The following GIGYF2 variants were observed in gnomAD, a reference collection of about 807,000 sequenced individuals.
The protein encoded by GIGYF2 is GRB10 interacting GYF protein 2.
In GIGYF2, 25 loss-of-function variants were observed where a neutral mutation model predicts 208.1. That is an observed-to-expected ratio of 0.12 (90% CI 0.09 to 0.17). GIGYF2 has a LOEUF of 0.17. GIGYF2 is among the 10% of genes least tolerant of loss of function. The pLI, the probability that GIGYF2 is intolerant of heterozygous loss-of-function variation, is 1.00. For missense variants in GIGYF2, 1,302 were observed against 1,579.4 expected, an observed-to-expected ratio of 0.82 and a Z score of 2.98; for synonymous variants, 534 against 543.8, an observed-to-expected ratio of 0.98 and a Z score of 0.25.
intron 22 of GIGYF2, among the ~76,000 whole-genome samples, chr2:232,834,200 T>G (rs924773041): frequency 1.3e-5 from 2 of 152,118 alleles, no homozygotes; most frequent in Middle Eastern, 3.2e-3. Context: ...GTCCCCTATC[T>G]TCAAGTAGCT....
At chr2:232,846,096 A>G (rs1219702369) in intron 26 of GIGYF2, among the ~76,000 whole-genome samples, 1 of 152,238 alleles carries the variant, frequency 6.6e-6, no homozygotes, top group Non-Finnish European at 1.5e-5. Flanking sequence ...GGTGGTTGTC[A>G]AAAAGTAAAT....
At chr2:232,753,959 A>G (rs1698431150) in intron 5 of GIGYF2, among the ~76,000 whole-genome samples, 1 of 152,012 alleles carries the variant, frequency 6.6e-6, no homozygotes, top group Non-Finnish European at 1.5e-5. Context: ...AAGTCAGGAG[A>G]TTGAGACCAT....
chr2:232,730,430 C>T (rs1697416356), intron 2 of GIGYF2, among the ~76,000 whole-genome samples: 1 of 150,716 alleles, frequency 6.6e-6, no homozygotes, highest in African/African-American at 2.4e-5. Context: ...CATGGTGAAA[C>T]CCCGTCTCTA....
At chr2:232,738,846 T>A (rs1483723734) in intron 3 of GIGYF2, among the ~76,000 whole-genome samples, 1 of 152,246 alleles carries the variant, frequency 6.6e-6, no homozygotes, top group Non-Finnish European at 1.5e-5. Context: ...TTGGATGATA[T>A]ATGGACAGTT....
chr2:232,847,278 A>C (rs1410394748), intron 26 of GIGYF2, 70 bp from the exon 27 acceptor site: 1 of 1,521,128 alleles, frequency 6.6e-7, no homozygotes, highest in Non-Finnish European at 9.1e-7. Flanking sequence ...TTAAAAATGG[A>C]AACTGATTTT....
intron 23 of GIGYF2, among the ~76,000 whole-genome samples, chr2:232,841,461 ATTTTTT>A (rs57307878): frequency 7.2e-6 from 1 of 138,752 alleles, no homozygotes; most frequent in Non-Finnish European, 1.6e-5. Context: ...ACCACCAGCT[ATTTTTT>A]TTTTTTTTTT....
intron 22 of GIGYF2, among the ~76,000 whole-genome samples, chr2:232,836,151 G>A (rs1253567416): frequency 6.7e-6 from 1 of 149,432 alleles, no homozygotes; most frequent in Admixed American, 6.7e-5. Context: ...CCTGGGCTGG[G>A]TGCAGTGGCT....
chr2:232,714,304 A>G (rs1696572691), intron 2 of GIGYF2, among the ~76,000 whole-genome samples: 1 of 152,152 alleles, frequency 6.6e-6, no homozygotes, highest in African/African-American at 2.4e-5. Context: ...ACATAGCCAC[A>G]TGTATGTGGC....
At chr2:232,709,795 C>G (rs1381776904) in intron 2 of GIGYF2, among the ~76,000 whole-genome samples, 1 of 151,736 alleles carries the variant, frequency 6.6e-6, no homozygotes, top group East Asian at 2.0e-4. Context: ...GGCAACAGAG[C>G]AAGACTCTGT....
At chr2:232,827,382 A>G (rs1484008845) in intron 21 of GIGYF2, among the ~76,000 whole-genome samples, 1 of 152,180 alleles carries the variant, frequency 6.6e-6, no homozygotes, top group Non-Finnish European at 1.5e-5. Flanking sequence ...TGTTTGATAG[A>G]GTTCACCGTT....
Position 232,844,212 on chromosome 2 carries a change from A to G in GIGYF2, c.3056A>G (p.Gln1019Arg), listed in dbSNP as rs368827172. 2 of 1,563,814 alleles carry G rather than the reference A, an allele frequency of 1.3e-6. No homozygotes were observed. The highest frequency in any genetic ancestry group is 1.7e-6 in the Non-Finnish European group (2 of 1,152,902). Residue 1019 changes from glutamine to arginine, a missense_variant, in exon 24 of 29, where the codon CAG (glutamine) becomes CGG (arginine). By Grantham distance (43) the Gln-to-Arg change is conservative. Transcript: ENST00000373563. ...EARQMQKQQQ[Q>R]QQQHQQPNRA... Reference sequence around the variant, plus strand: ...AGGCAAATGCAAAAGCAGCAGCAGCAGCAGCAGCAACACCAGCAACCAAAC... The same window carrying G: ...AGGCAAATGCAAAAGCAGCAGCAGCGGCAGCAGCAACACCAGCAACCAAAC...
At chr2:232,827,993 TTTTC>T (rs1470010399) in intron 21 of GIGYF2, among the ~76,000 whole-genome samples, 2 of 151,148 alleles carry the variant, frequency 1.3e-5, no homozygotes, top group African/African-American at 4.9e-5. Context: ...TTTCTTTTCT[TTTTC>T]TTTTTTTTTG....
At chr2:232,775,659 C>A (rs555797312) in intron 8 of GIGYF2, among the ~76,000 whole-genome samples, 1 of 152,248 alleles carries the variant, frequency 6.6e-6, no homozygotes, top group South Asian at 2.1e-4. Context: ...AAATGATAGG[C>A]AGCTTCACTG....
At chr2:232,804,024 G>T (rs1700477202) in intron 14 of GIGYF2, among the ~76,000 whole-genome samples, 1 of 152,118 alleles carries the variant, frequency 6.6e-6, no homozygotes, top group Admixed American at 6.5e-5. Flanking sequence ...CACCAGTACT[G>T]TACAATCTTG....
At chr2:232,734,196 T>G (rs1368343140) in intron 2 of GIGYF2, among the ~76,000 whole-genome samples, 4 of 150,228 alleles carry the variant, frequency 2.7e-5, no homozygotes, top group Non-Finnish European at 5.9e-5. Flanking sequence ...GCCGTCTGCC[T>G]GGCTTGGCCT....
Position 232,747,658 on chromosome 2 carries a change from C to G in GIGYF2, c.85C>G (p.Leu29Val), listed in dbSNP as rs751741586. The change falls in exon 4 of 29, where the codon CTT becomes GTT. Residue 29 changes from leucine (L) to valine (V), a missense_variant. Coordinates refer to ENST00000373563, the MANE Select transcript of GIGYF2 (RefSeq NM_001103146.3). ...SSGGSITSPP[L>V]SPALPKYKLA... ...TGGTGGGAGTATTACATCCCCTCCT[C>G]TTTCTCCAGCATTGCCGAAGTATAA... 6.2e-7 allele frequency: 1 copy of G among 1,613,800 alleles called. No homozygotes were observed. The highest frequency in any genetic ancestry group is 8.5e-7 in the Non-Finnish European group (1 of 1,179,802).
At chr2:232,777,467 C>A (rs557374370) in intron 8 of GIGYF2, among the ~76,000 whole-genome samples, 1 of 152,076 alleles carries the variant, frequency 6.6e-6, no homozygotes, top group Non-Finnish European at 1.5e-5. Context: ...AAAACTTTGA[C>A]CAAATGTCAC....
rs570597892 is a variant in GIGYF2 at position 232,846,966 on chromosome 2, C to T, written c.3461-382C>T. ...AAAAATCTCAGTGGATTGAAAGTTC[C>T]AGGAAGATATAGCTGTTTTCTTTAG... On this transcript the variant is annotated intron_variant, in intron 26 of 28. Transcript: ENST00000373563. Among the ~76,000 whole-genome samples, 7 of 152,284 alleles carry T rather than the reference C, an allele frequency of 4.6e-5. No homozygotes were observed. In the South Asian group the frequency reaches 1.5e-3, roughly 32 times the overall value.
chr2:232,804,770 G>T (rs1297859084), intron 14 of GIGYF2, among the ~76,000 whole-genome samples: 1 of 152,196 alleles, frequency 6.6e-6, no homozygotes, highest in African/African-American at 2.4e-5. Context: ...TGGAATTAGA[G>T]GCGTGAACTG....
Sources: allele counts gnomAD v4.1 joint callset (sites outside exome capture counted in the v4.1 genomes callset), GRCh38; gene constraint gnomAD v4.1.1; transcripts MANE v1.5; gene names NCBI Gene and HGNC (gene_info 2026-07-23, HGNC 2026-07-21).